Variants in WNK2 observed in about 807,000 individuals in gnomAD.
WNK2 encodes WNK lysine deficient protein kinase 2, also known as serine/threonine-protein kinase WNK2.
WNK2 carries 67 observed loss-of-function variants against 192.1 expected under a neutral mutation model. The observed-to-expected ratio is 0.35, with a 90% confidence interval of 0.29 to 0.43. WNK2 has a LOEUF of 0.43. Ranked by LOEUF, WNK2 falls within the 20% of genes least tolerant of loss-of-function variation. The pLI is 1.00. For missense variants in WNK2, 2,698 were observed against 3,089.7 expected (o/e 0.87, Z 3.01); for synonymous variants, 1,439 against 1,393.9 (o/e 1.03, Z -0.72).
intron 2 of WNK2, among the ~76,000 whole-genome samples, chr9:93,196,208 G>A (rs1040259848): frequency 6.6e-6 from 1 of 152,060 alleles, no homozygotes; most frequent in Middle Eastern, 3.2e-3. Context: ...GGAGGGTCAC[G>A]GGCTCCCTCT....
chr9:93,246,146 C>T (rs543984366), intron 7 of WNK2, among the ~76,000 whole-genome samples: 1 of 152,274 alleles, frequency 6.6e-6, no homozygotes, highest in African/African-American at 2.4e-5. Flanking sequence ...TTCAAACCAT[C>T]ATTGTGTTAC....
rs12350787 is a variant in WNK2, at chr9:93,288,848, A to G, written c.4094A>G (p.Gln1365Arg). 17 of 1,612,384 alleles carry G rather than the reference A, an allele frequency of 1.1e-5. No individual in the cohort carries two copies. The Admixed American group carries it at 2.5e-4, about 24-fold the overall frequency. ...SKEQPSFLAS[Q>R]QLLSQAGPSN... ...GAACAACCCAGCTTTCTAGCCAGTC[A>G]GCAGCTCCTGAGCCAGGCGGGCCCC... The change falls in exon 20 of 30, where the codon CAG becomes CGG. Residue 1365 changes from glutamine (Q) to arginine (R), a missense_variant. Physicochemically the swap from Gln to Arg is conservative, Grantham distance 43. Transcript: ENST00000427277.
Position 93,297,834 on chromosome 9 carries a change from C to T in WNK2, c.5709-19C>T. 1 of 1,559,318 alleles carries T rather than the reference C, an allele frequency of 6.4e-7. No homozygotes were observed. The highest frequency in any genetic ancestry group is 8.7e-7 in the Non-Finnish European group (1 of 1,153,232). ...CACCGAGGAAGCCCATCGGCGCTCC[C>T]TCCTGTCCCCTCCTGCAGGCACCTG... On this transcript the variant is annotated intron_variant, in intron 23 of 29. Coordinates refer to ENST00000427277, the MANE Select transcript of WNK2 (RefSeq NM_006648.4).
chr9:93,268,202 A>G, intron 18 of WNK2, 137 bp downstream of exon 18: 1 of 1,192,286 alleles, frequency 8.4e-7, no homozygotes, highest in Non-Finnish European at 1.2e-6. Context: ...GTCTGGGGAC[A>G]GCTGCCCTGT....
Position 93,252,991 on chromosome 9 carries a change from C to G in WNK2, c.1943C>G (p.Ala648Gly). 6.4e-7 allele frequency: 1 copy of G among 1,566,022 alleles called. No homozygotes were observed. The highest frequency in any genetic ancestry group is 1.2e-5 in the South Asian group (1 of 84,952). ...GSLADAAPSP[A>G]QCVCSPPVSE... ...CTTGCCGACGCAGCGCCGTCCCCGG[C>G]CCAGTGTGTGTGCAGCCCCCCTGTG... Residue 648 changes from alanine to glycine, a missense_variant, in exon 9 of 30, where the codon GCC becomes GGC. Around this residue, in one of 7 missense-constraint regions of WNK2, gnomAD observed 893 missense variants for 909.0 expected, o/e 0.98. Transcript: ENST00000427277.
intron 19 of WNK2, among the ~76,000 whole-genome samples, chr9:93,281,107 C>A (rs1847662565): frequency 6.6e-6 from 1 of 152,160 alleles, no homozygotes; most frequent in Non-Finnish European, 1.5e-5. Flanking sequence ...ACACAAGGTT[C>A]ACAAGGAAAC....
chr9:93,306,894 G>A, intron 27 of WNK2, 73 bp downstream of exon 27: 1 of 1,606,322 alleles, frequency 6.2e-7, no homozygotes, highest in East Asian at 2.2e-5. Context: ...GCACATCAGG[G>A]TTCCCGCGGC....
chr9:93,240,796 G>A (rs1295685192), intron 7 of WNK2, among the ~76,000 whole-genome samples: 1 of 152,198 alleles, frequency 6.6e-6, no homozygotes, highest in African/African-American at 2.4e-5. Context: ...GTGCCATCCA[G>A]TAAAATCGCC....
intron 5 of WNK2, among the ~76,000 whole-genome samples, chr9:93,237,568 C>T (rs1039704047): frequency 6.6e-6 from 1 of 152,170 alleles, no homozygotes; most frequent in Non-Finnish European, 1.5e-5. Context: ...AGAGTTTTAA[C>T]CTGCTTGCCT....
Position 93,261,861 on chromosome 9 carries a change from G to C in WNK2, c.3114G>C (p.Gln1038His), listed in dbSNP as rs558340161. ...PAPYAVDVAA[Q>H]VPTVPVPPAA... ...CCTATGCTGTGGACGTCGCCGCTCAGGTCCCCACCGTGCCTGTGCCACCGG... is the reference window on the plus strand; with the variant it reads ...CCTATGCTGTGGACGTCGCCGCTCACGTCCCCACCGTGCCTGTGCCACCGG... The change falls in exon 13 of 30, where the codon CAG becomes CAC. Residue 1038 changes from glutamine (Q) to histidine (H), a missense_variant. By Grantham distance (24) the Gln-to-His change is conservative (BLOSUM62 0). Around this residue, in one of 7 missense-constraint regions of WNK2, gnomAD observed 893 missense variants for 909.0 expected, o/e 0.98. Coordinates refer to ENST00000427277, the MANE Select transcript of WNK2 (RefSeq NM_006648.4). The C allele has an allele frequency of 6.3e-7, 1 of 1,599,750 alleles. No homozygotes were observed. Among genetic ancestry groups the C allele is most frequent in the Non-Finnish European group, 8.5e-7 (1 of 1,179,354 alleles).
intron 19 of WNK2, among the ~76,000 whole-genome samples, chr9:93,277,625 T>C (rs1040296819): frequency 6.6e-6 from 1 of 152,146 alleles, no homozygotes; most frequent in African/African-American, 2.4e-5. Context: ...TATAATGACA[T>C]TCTAAAATGC....
intron 29 of WNK2, among the ~76,000 whole-genome samples, chr9:93,319,706 T>C (rs1465338374): frequency 6.6e-6 from 1 of 152,140 alleles, no homozygotes; most frequent in Admixed American, 6.5e-5. Flanking sequence ...TTGGACTTGT[T>C]GAGAGGAGGA....
At position 93,303,250 on chromosome 9, in the gene WNK2, G is replaced by A. The variant is rs570528653; in HGVS notation, c.6214+3101G>A. Among the ~76,000 whole-genome samples the A allele has an allele frequency of 2.6e-5, 4 of 152,316 alleles. 1 individual carries two copies. In the South Asian group the frequency reaches 8.3e-4, roughly 32 times the overall value. On this transcript the variant is annotated intron_variant, in intron 26 of 29. Coordinates refer to ENST00000427277, the MANE Select transcript of WNK2 (RefSeq NM_006648.4). Reference sequence around the variant, plus strand: ...CATTCTAAGGGATGTTGGCCTTGGAGCCAGGGAGGAGGGTCAGGTGCAGAT... The same window carrying A: ...CATTCTAAGGGATGTTGGCCTTGGAACCAGGGAGGAGGGTCAGGTGCAGAT...
At chr9:93,189,655 C>T (rs10761199) in intron 2 of WNK2, among the ~76,000 whole-genome samples, 71,145 of 151,700 alleles carry the variant, frequency 0.47, 18,258 homozygotes, top group African/African-American at 0.68. Context: ...ACAGCCCAGC[C>T]ACCCGACAGC....
chr9:93,304,220 G>T (rs1157542908), intron 26 of WNK2, among the ~76,000 whole-genome samples: 1 of 152,256 alleles, frequency 6.6e-6, no homozygotes, highest in African/African-American at 2.4e-5. Context: ...CTACCCAGAG[G>T]GCAGGGCCGT....
At position 93,299,290 on chromosome 9, in the gene WNK2, A is replaced by T. The variant is rs754488053; in HGVS notation, c.6115+29A>T. On this transcript the variant is annotated intron_variant, in intron 25 of 29. Transcript: ENST00000427277. ...ATTTCCAGCTTGCCTGTCTCCGAGCATGTGCTAGCCACGTAGGGCCTCAGT... is the reference window on the plus strand; with the variant it reads ...ATTTCCAGCTTGCCTGTCTCCGAGCTTGTGCTAGCCACGTAGGGCCTCAGT... 1.4e-5 allele frequency: 21 copies of T among 1,544,386 alleles called. No homozygotes were observed. The Admixed American group carries it at 1.6e-4, about 12-fold the overall frequency.
At chr9:93,232,075 C>T (rs1588067777) in intron 4 of WNK2, among the ~76,000 whole-genome samples, 1 of 152,172 alleles carries the variant, frequency 6.6e-6, no homozygotes, top group East Asian at 1.9e-4. Context: ...GAGAGGCTCC[C>T]CCATGTTAAT....
At chr9:93,201,324 CA>C (rs1344709756) in intron 2 of WNK2, among the ~76,000 whole-genome samples, 1 of 152,230 alleles carries the variant, frequency 6.6e-6, no homozygotes, top group Non-Finnish European at 1.5e-5. Context: ...GCTGGAGGAG[CA>C]GGGGGAGTGG....
At position 93,299,277 on chromosome 9, in the gene WNK2, C is replaced by T; in HGVS notation, c.6115+16C>T. ...CGTGGCCAAGGTGATTTCCAGCTTGCCTGTCTCCGAGCATGTGCTAGCCAC... is the reference window on the plus strand; with the variant it reads ...CGTGGCCAAGGTGATTTCCAGCTTGTCTGTCTCCGAGCATGTGCTAGCCAC... On this transcript the variant is annotated intron_variant, in intron 25 of 29. Coordinates refer to ENST00000427277, the MANE Select transcript of WNK2 (RefSeq NM_006648.4). 6.4e-7 allele frequency: 1 copy of T among 1,550,822 alleles called. No homozygotes were observed.
Sources: gnomAD v4.1 joint callset for allele counts (sites outside exome capture counted in the v4.1 genomes callset) on GRCh38, gnomAD v4.1.1 for gene constraint, gnomAD v4.1.1 regional missense constraint, MANE v1.5 for transcripts, NCBI Gene and HGNC (gene_info 2026-07-23, HGNC 2026-07-21) for gene names.